The following RASA3 variants were observed in gnomAD, a reference collection of about 807,000 sequenced individuals.
The protein encoded by RASA3 is RAS p21 protein activator 3, also known as ras GTPase-activating protein 3.
A neutral mutation model predicts 110.0 loss-of-function variants in RASA3; 73 were observed. That is an observed-to-expected ratio of 0.66 (90% CI 0.55 to 0.81). The LOEUF is 0.81. Among genes scored for constraint, RASA3 ranks in the 30% least tolerant of loss-of-function variants. The pLI is 0.00. For synonymous variants in RASA3, 500 were observed against 451.4 expected (o/e 1.11, Z -1.37); for missense variants, 976 against 1,113.2 (o/e 0.88, Z 1.75).
chr13:113,996,622 T>C lies in RASA3; in HGVS notation c.2050A>G (p.Thr684Ala). 5 of 1,613,700 alleles carry C rather than the reference T, an allele frequency of 3.1e-6. No homozygotes were observed. The highest frequency in any genetic ancestry group is 4.2e-6 in the Non-Finnish European group (5 of 1,180,026). ...KVSQCNQKRLTVYHPSAYLSG... is the reference protein window; with the variant it reads ...KVSQCNQKRLAVYHPSAYLSG... ...AGGTAGGCGGACGGGTGGTAGACGG[T>C]GAGGCGCTTCTGGTTGCACTGGCTC... is the stretch of plus-strand genomic sequence containing the variant. Residue 684 changes from threonine to alanine, a missense_variant, in exon 21 of 24, where the codon ACC (threonine) becomes GCC (alanine). Coordinates refer to ENST00000334062, the MANE Select transcript of RASA3 (RefSeq NM_007368.4).
rs939315443 is a variant in RASA3 at position 114,048,366 on chromosome 13, C to A, written c.277+3686G>T. On this transcript the variant is annotated intron_variant, in intron 3 of 23. Transcript: ENST00000334062. This position sits in a 1 kb window ranked among gnomAD's most constrained non-coding sequence, Gnocchi z 4.3. The stretch of plus-strand genomic sequence containing the variant: ...GAATGGAGGTCTCACTGCACCCCCA[C>A]CCCATTGGGAAGCCTCAGAGAGTCT... Among the ~76,000 whole-genome samples the A allele has an allele frequency of 2.6e-5, 4 of 151,794 alleles. No individual in the cohort carries two copies. The highest frequency in any genetic ancestry group is 5.9e-5 in the Non-Finnish European group (4 of 67,944).
At chr13:114,087,995 G>A (rs914323240) in intron 1 of RASA3, among the ~76,000 whole-genome samples, 22 of 152,176 alleles carry the variant, frequency 1.4e-4, no homozygotes, top group Admixed American at 1.3e-3. Flanking sequence ...GCTGGGCGTG[G>A]TGGCGCACGC....
chr13:113,998,918 C>T (rs190295399), intron 20 of RASA3, among the ~76,000 whole-genome samples: 18 of 152,308 alleles, frequency 1.2e-4, no homozygotes, highest in East Asian at 5.8e-4. Context: ...CGAATGTGGT[C>T]GCGCCGGCGA....
rs115237916 is a variant in RASA3, at chr13:114,097,898, C to T, written c.56-24061G>A. ...CTTGTCTCATTCGTGACCCTGTGCA[C>T]GCCGTGCAGCAGTGCAGACGGCCGG... On this transcript the variant is annotated intron_variant, in intron 1 of 23. Coordinates refer to ENST00000334062, the MANE Select transcript of RASA3 (RefSeq NM_007368.4). Among the ~76,000 whole-genome samples, 1,239 of 152,302 alleles carry T rather than the reference C, an allele frequency of 8.1e-3. 21 individuals carry two copies. Among genetic ancestry groups the T allele is most frequent in the African/African-American group, 0.028 (1,152 of 41,564 alleles).
At chr13:114,019,653 C>T (rs2053874310) in intron 9 of RASA3, among the ~76,000 whole-genome samples, 1 of 150,624 alleles carries the variant, frequency 6.6e-6, no homozygotes, top group African/African-American at 2.5e-5. Context: ...AGCCTGTGTC[C>T]GAGGCATTAG....
At chr13:114,032,424 G>A (rs896420740) in intron 4 of RASA3, among the ~76,000 whole-genome samples, 1 of 152,128 alleles carries the variant, frequency 6.6e-6, no homozygotes, top group African/African-American at 2.4e-5. Context: ...ACTGACATAC[G>A]GCCTCCATGT....
At chr13:114,066,187 C>A (rs2079446217) in intron 2 of RASA3, among the ~76,000 whole-genome samples, 1 of 150,460 alleles carries the variant, frequency 6.6e-6, no homozygotes, top group Non-Finnish European at 1.5e-5. Context: ...AAAAGAACCA[C>A]CATCCTTACA....
At chr13:114,005,063 AAC>A (rs1468392887) in intron 18 of RASA3, among the ~76,000 whole-genome samples, 1 of 152,200 alleles carries the variant, frequency 6.6e-6, no homozygotes, top group Non-Finnish European at 1.5e-5. Flanking sequence ...ATAGGAGATA[AAC>A]ACGGAGGGGC....
intron 18 of RASA3, among the ~76,000 whole-genome samples, chr13:114,003,305 C>T (rs759681169): frequency 3.3e-5 from 5 of 152,150 alleles, no homozygotes; most frequent in Admixed American, 2.0e-4. Context: ...ACCTGGGAGG[C>T]GCCTGTCCTT....
intron 2 of RASA3, among the ~76,000 whole-genome samples, chr13:114,055,952 T>C (rs1294464605): frequency 2.0e-5 from 3 of 152,220 alleles, no homozygotes; most frequent in Admixed American, 1.3e-4. Context: ...CCGGCACCGA[T>C]AGCCAAGCTG....
chr13:114,064,903 G>A (rs188171878), intron 2 of RASA3, among the ~76,000 whole-genome samples: 13 of 152,340 alleles, frequency 8.5e-5, no homozygotes, highest in Non-Finnish European at 1.6e-4. Context: ...GACCAGGCTC[G>A]CCTGAAATCC....
At chr13:114,072,439 T>C (rs2139665772) in intron 2 of RASA3, among the ~76,000 whole-genome samples, 1 of 152,326 alleles carries the variant, frequency 6.6e-6, no homozygotes, top group East Asian at 1.9e-4. Flanking sequence ...CAATAAACAC[T>C]TTCTAGGCCT....
At chr13:114,051,372 C>T (rs1006380427) in intron 3 of RASA3, among the ~76,000 whole-genome samples, 1 of 152,246 alleles carries the variant, frequency 6.6e-6, no homozygotes, top group African/African-American at 2.4e-5. Flanking sequence ...ATCCCTCAGC[C>T]TCCCACGCCT....
At chr13:113,988,851 ACCCATCAGTCACCCATTGGTCCATCTG>A (rs2053029980) in intron 22 of RASA3, among the ~76,000 whole-genome samples, 1 of 134,506 alleles carries the variant, frequency 7.4e-6, no homozygotes, top group Non-Finnish European at 1.6e-5. Context: ...TGCTCCATCC[ACCCATCAGTCACCCATTGGTCCATCTG>A]CCCATCACTC....
At chr13:114,106,463 C>T (rs761874165) in intron 1 of RASA3, among the ~76,000 whole-genome samples, 8 of 152,192 alleles carry the variant, frequency 5.3e-5, no homozygotes, top group African/African-American at 9.7e-5. Context: ...ACATTTCCTT[C>T]GTTTATATTG....
At chr13:114,062,981 G>A (rs886656574) in intron 2 of RASA3, among the ~76,000 whole-genome samples, 2 of 152,356 alleles carry the variant, frequency 1.3e-5, no homozygotes, top group East Asian at 1.9e-4. Flanking sequence ...ACGGGGACCC[G>A]TGTCTGCCGC....
intron 1 of RASA3, among the ~76,000 whole-genome samples, chr13:114,094,879 C>T (rs758668188): frequency 2.6e-5 from 4 of 152,186 alleles, no homozygotes; most frequent in Non-Finnish European, 5.9e-5. Context: ...CGGGCTCCCC[C>T]GCTCCAGAAT....
At chr13:114,053,123 A>G (rs1365939317) in intron 2 of RASA3, among the ~76,000 whole-genome samples, 2 of 151,760 alleles carry the variant, frequency 1.3e-5, no homozygotes, top group Non-Finnish European at 2.9e-5. Context: ...GACTGTACTT[A>G]AAGTCCTTGC....
chr13:114,131,654 G>A (rs1314890177), intron 1 of RASA3, among the ~76,000 whole-genome samples: 7 of 152,246 alleles, frequency 4.6e-5, no homozygotes, highest in African/African-American at 1.7e-4. Flanking sequence ...TGGTGCCGAT[G>A]GGTCCGGGGT....
Sources: allele counts gnomAD v4.1 joint callset (sites outside exome capture counted in the v4.1 genomes callset), GRCh38; gene constraint gnomAD v4.1.1; non-coding constraint Gnocchi (gnomAD v3.1); transcripts MANE v1.5; gene names NCBI Gene and HGNC (gene_info 2026-07-23, HGNC 2026-07-21).